The following TRAPPC8 variants were observed in gnomAD, a reference collection of about 807,000 sequenced individuals.
TRAPPC8 encodes general sporulation gene 1 homolog.
In TRAPPC8, 54 loss-of-function variants were observed where a neutral mutation model predicts 174.3. That is an observed-to-expected ratio of 0.31 (90% CI 0.25 to 0.39). TRAPPC8 has a LOEUF of 0.39. TRAPPC8 is among the 10% of genes least tolerant of loss of function. TRAPPC8 has a pLI of 1.00. For synonymous variants in TRAPPC8, 630 were observed against 579.9 expected, an observed-to-expected ratio of 1.09 and a Z score of -1.24; for missense variants, 1,531 against 1,699.1, an observed-to-expected ratio of 0.90 and a Z score of 1.74.
intron 26 of TRAPPC8, among the ~76,000 whole-genome samples, chr18:31,840,833 G>C (rs1368755418): frequency 6.6e-6 from 1 of 151,888 alleles, no homozygotes; most frequent in Admixed American, 6.6e-5. Flanking sequence ...ATAAAAGCTG[G>C]CACTGGTTCC....
intron 9 of TRAPPC8, among the ~76,000 whole-genome samples, chr18:31,903,934 T>TAA (rs2036551765): frequency 6.6e-6 from 1 of 151,544 alleles, no homozygotes; most frequent in African/African-American, 2.4e-5. Flanking sequence ...ACAATGGTGG[T>TAA]TAAAGGATTT....
At chr18:31,926,135 G>C (rs1364237227) in intron 2 of TRAPPC8, among the ~76,000 whole-genome samples, 1 of 152,046 alleles carries the variant, frequency 6.6e-6, no homozygotes. Flanking sequence ...TATTCTCTGT[G>C]TTTTACAGCT....
chr18:31,934,183 CAA>C (rs34727105), intron 1 of TRAPPC8, among the ~76,000 whole-genome samples: 1 of 131,856 alleles, frequency 7.6e-6, no homozygotes, highest in Admixed American at 7.7e-5. Context: ...GACTCCCTTT[CAA>C]AAAAAAAAAA....
chr18:31,903,046 C>CAA (rs56801475), intron 9 of TRAPPC8, among the ~76,000 whole-genome samples: 64 of 122,720 alleles, frequency 5.2e-4, no homozygotes, highest in Non-Finnish European at 7.2e-4. Context: ...AGACTCATCT[C>CAA]AAAAAAAAAA....
intron 9 of TRAPPC8, among the ~76,000 whole-genome samples, chr18:31,907,143 A>G (rs1174662175): frequency 1.3e-5 from 2 of 152,160 alleles, no homozygotes; most frequent in African/African-American, 4.8e-5. Flanking sequence ...TTTTTAAGAA[A>G]TAAGTTTTTT....
chr18:31,853,392 C>T (rs1219409252), intron 22 of TRAPPC8, among the ~76,000 whole-genome samples: 1 of 152,238 alleles, frequency 6.6e-6, no homozygotes, highest in Non-Finnish European at 1.5e-5. Flanking sequence ...CTCAGCCTCC[C>T]GAGTAGCTGG....
chr18:31,842,817 AAATATTCC>A (rs2033180426), intron 26 of TRAPPC8, among the ~76,000 whole-genome samples: 2 of 152,236 alleles, frequency 1.3e-5, no homozygotes, highest in Non-Finnish European at 2.9e-5. Flanking sequence ...TATATGATGC[AAATATTCC>A]AAAATCCAAA....
At chr18:31,853,746 T>C in intron 22 of TRAPPC8, 103 bp downstream of exon 22, 1 of 801,948 alleles carries the variant, frequency 1.2e-6, no homozygotes, top group Non-Finnish European at 1.9e-6. Context: ...ATTTAATGCT[T>C]AAAAAAGTTA....
chr18:31,841,676 C>T (rs2033108245), intron 26 of TRAPPC8, among the ~76,000 whole-genome samples: 1 of 152,100 alleles, frequency 6.6e-6, no homozygotes, highest in Admixed American at 6.5e-5. Flanking sequence ...ATTTTATATG[C>T]CTGCTGTTGC....
rs8084584 is a variant in TRAPPC8 at position 31,871,211 on chromosome 18, T to A, written c.2063-91A>T. 162,318 of 609,924 alleles carry A rather than the reference T, an allele frequency of 0.27. 22,138 individuals carry two copies. The highest frequency in any genetic ancestry group is 0.36 in the Middle Eastern group (749 of 2,058). 37.8% of individuals were successfully genotyped at this position (609,924 alleles called of 1,614,324 possible). ...GACATAAGGTACAGAAATAAAAAAA[T>A]ATATATATATACATTCACTCTTGCC... On this transcript the variant is annotated intron_variant, in intron 14 of 28. Coordinates refer to ENST00000283351, the MANE Select transcript of TRAPPC8 (RefSeq NM_014939.5).
chr18:31,848,794 T>C (rs2033548485), intron 25 of TRAPPC8, among the ~76,000 whole-genome samples: 1 of 152,102 alleles, frequency 6.6e-6, no homozygotes, highest in African/African-American at 2.4e-5. Context: ...GCAGAATAAT[T>C]TTTAAAAATA....
At chr18:31,900,006 G>T (rs2036348143) in intron 10 of TRAPPC8, among the ~76,000 whole-genome samples, 1 of 152,016 alleles carries the variant, frequency 6.6e-6, no homozygotes, top group East Asian at 1.9e-4. Context: ...GGGAGGCCGA[G>T]GTGGGTGGAT....
At chr18:31,879,302 T>C (rs1451849327) in intron 12 of TRAPPC8, among the ~76,000 whole-genome samples, 3 of 152,114 alleles carry the variant, frequency 2.0e-5, no homozygotes, top group Admixed American at 1.3e-4. Context: ...GGAATAAAAT[T>C]AGAAATCAAT....
chr18:31,873,747 T>C (rs547433656), intron 13 of TRAPPC8: 45 of 438,748 alleles, frequency 1.0e-4, no homozygotes, highest in African/African-American at 8.1e-4. Context: ...AGAATCTTAC[T>C]GAGGTTACTC....
At chr18:31,942,392 T>C (rs1309823544) in intron 1 of TRAPPC8, among the ~76,000 whole-genome samples, 2 of 152,208 alleles carry the variant, frequency 1.3e-5, no homozygotes, top group Non-Finnish European at 2.9e-5. Context: ...AGAAAGGAAG[T>C]GCCCAGAGAA....
rs535917313 is a variant in TRAPPC8 at position 31,872,762 on chromosome 18, A to C, written c.2062+668T>G. Among the ~76,000 whole-genome samples, 17 of 152,260 alleles carry C rather than the reference A, an allele frequency of 1.1e-4. No homozygotes were observed. The East Asian group carries it at 2.9e-3, about 26-fold the overall frequency. ...AGCAAAAGATGGAAACAGTCTATAT[A>C]TATCAAGTGGATGTTAAAATAAAGT... On this transcript the variant is annotated intron_variant, in intron 14 of 28. Transcript: ENST00000283351.
intron 2 of TRAPPC8, among the ~76,000 whole-genome samples, chr18:31,925,197 G>A (rs1249598848): frequency 1.3e-5 from 2 of 151,028 alleles, no homozygotes; most frequent in African/African-American, 4.9e-5. Context: ...TGAGGTAAGT[G>A]TCCAACATGA....
intron 24 of TRAPPC8, 152 bp from the exon 25 acceptor site, chr18:31,849,891 T>G: frequency 1.5e-6 from 1 of 648,864 alleles, no homozygotes. Flanking sequence ...ATAATTCTTG[T>G]CAATGTAGTT....
In TRAPPC8 at chr18:31,839,394, G is replaced by A; in HGVS notation, c.3901C>T (p.Pro1301Ser). The change falls in exon 27 of 29, where the codon CCA (proline) becomes TCA (serine). Residue 1301 changes from proline to serine, a missense_variant. Pro to Ser is a moderately conservative substitution (Grantham distance 74). Coordinates refer to ENST00000283351, the MANE Select transcript of TRAPPC8 (RefSeq NM_014939.5). ...RPENITVSSR[P>S]SVEQLSSLIK... ...AGACTAGAAAGCTGCTCTACTGATG[G>A]CCTTGAGGAAACTGTAATGTTTTCT... The A allele has an allele frequency of 6.2e-7, 1 of 1,612,022 alleles. No individual in the cohort carries two copies. Among genetic ancestry groups the A allele is most frequent in the Non-Finnish European group, 8.5e-7 (1 of 1,179,110 alleles).
Sources: allele counts gnomAD v4.1 joint callset (sites outside exome capture counted in the v4.1 genomes callset), GRCh38; gene constraint gnomAD v4.1.1; transcripts MANE v1.5; gene names NCBI Gene and HGNC (gene_info 2026-07-23, HGNC 2026-07-21).